APP: variants seen among roughly 807,000 people sequenced by gnomAD.
APP encodes the protein amyloid-beta precursor protein.
A neutral mutation model predicts 101.4 loss-of-function variants in APP; 31 were observed. The observed-to-expected ratio is 0.31, with a 90% CI of 0.23 to 0.41. APP has a LOEUF of 0.41. APP is among the 10% of genes least tolerant of loss of function. APP has a pLI of 1.00. For synonymous variants in APP, 366 were observed against 364.4 expected (o/e 1.00, Z -0.05); for missense variants, 839 against 1,003.7 (o/e 0.84, Z 2.22).
intron 8 of APP, among the ~76,000 whole-genome samples, chr21:25,991,176 A>G (rs1157333046): frequency 6.6e-6 from 1 of 151,754 alleles, no homozygotes; most frequent in Admixed American, 6.6e-5. Context: ...GAAGAGTGGG[A>G]AGGAGGAGAG....
intron 1 of APP, among the ~76,000 whole-genome samples, chr21:26,159,396 T>C (rs2063444389): frequency 6.6e-6 from 1 of 152,182 alleles, no homozygotes; most frequent in Admixed American, 6.5e-5. Flanking sequence ...AGTAATTTTT[T>C]AAACATCTAA....
chr21:26,051,107 C>T lies in APP; in HGVS notation c.555G>A (p.Val185=). The change falls in exon 5 of 18, where the codon GTG becomes GTA. Residue 185 remains valine, a synonymous_variant. Transcript: ENST00000346798. ...CACTTTCTTCAGCCAGTGGGCAACACACAAACTCTACCCCTCGGAACTTGT... is the reference window on the plus strand; with the variant it reads ...CACTTTCTTCAGCCAGTGGGCAACATACAAACTCTACCCCTCGGAACTTGT... The part of the protein sequence containing the change: ...GIDKFRGVEF[V]CCPLAEESDN... 2 of 1,614,176 alleles carry T rather than the reference C, an allele frequency of 1.2e-6. No homozygotes were observed. Among genetic ancestry groups the T allele is most frequent in the Non-Finnish European group, 1.7e-6 (2 of 1,180,032 alleles).
At chr21:25,913,841 T>G (rs1190821967) in intron 13 of APP, among the ~76,000 whole-genome samples, 1 of 152,214 alleles carries the variant, frequency 6.6e-6, no homozygotes, top group Non-Finnish European at 1.5e-5. Flanking sequence ...TTGTATCTCT[T>G]TCCATCTCTT....
intron 2 of APP, among the ~76,000 whole-genome samples, chr21:26,102,156 T>C (rs1208421921): frequency 7.2e-6 from 1 of 138,682 alleles, no homozygotes; most frequent in African/African-American, 2.7e-5. Context: ...CGGCGCGATC[T>C]CGGCTCACCG....
intron 16 of APP, among the ~76,000 whole-genome samples, chr21:25,896,899 G>T (rs1048152233): frequency 6.6e-6 from 1 of 152,206 alleles, no homozygotes; most frequent in Non-Finnish European, 1.5e-5. Context: ...ATGGGTAAAG[G>T]AAGACAGTTC....
intron 16 of APP, among the ~76,000 whole-genome samples, chr21:25,895,556 G>A (rs902883148): frequency 8.5e-5 from 13 of 152,106 alleles, no homozygotes; most frequent in African/African-American, 3.1e-4. Flanking sequence ...AATTTCCAAG[G>A]TATGCCTGTA....
intron 8 of APP, among the ~76,000 whole-genome samples, chr21:25,984,272 T>C (rs1028751739): frequency 6.6e-6 from 1 of 152,084 alleles, no homozygotes; most frequent in African/African-American, 2.4e-5. Context: ...ATTTTAAAAA[T>C]TGAGAAAAAG....
At chr21:25,961,188 C>A (rs1483311432) in intron 11 of APP, among the ~76,000 whole-genome samples, 1 of 152,046 alleles carries the variant, frequency 6.6e-6, no homozygotes, top group East Asian at 1.9e-4. Context: ...CCTAGAAGGC[C>A]CCTCCCCACT....
intron 1 of APP, chr21:26,140,321 C>T (rs1299849623): frequency 7.2e-6 from 11 of 1,527,440 alleles, no homozygotes; most frequent in South Asian, 2.4e-5. Context: ...CTTCCATCCT[C>T]GGGAGGGTGA....
Position 26,050,263 on chromosome 21 carries a change from G to A in APP, c.662+737C>T, listed in dbSNP as rs145697797. On this transcript the variant is annotated intron_variant, in intron 5 of 17. Coordinates refer to ENST00000346798, the MANE Select transcript of APP (RefSeq NM_000484.4). Reference sequence around the variant, plus strand: ...ATCTAAGAGAATACTGAAGGAATAAGATAAGTGATACAATCATCACCCTTC... The same window carrying A: ...ATCTAAGAGAATACTGAAGGAATAAAATAAGTGATACAATCATCACCCTTC... Among the ~76,000 whole-genome samples, 11 of 152,290 alleles carry A rather than the reference G, an allele frequency of 7.2e-5. No individual in the cohort carries two copies. The East Asian group carries it at 2.1e-3, about 29-fold the overall frequency.
chr21:25,954,542 G>A (rs2041227680), intron 13 of APP, 48 bp downstream of exon 13: 4 of 1,507,002 alleles, frequency 2.7e-6, no homozygotes, highest in African/African-American at 1.4e-5. Context: ...TTTTCCTCTG[G>A]GGGAAAATAC....
rs147329734 is a variant in APP, at chr21:26,161,366, T to C, written c.57+9198A>G. Among the ~76,000 whole-genome samples the C allele has an allele frequency of 3.8e-3, 575 of 152,326 alleles. 6 individuals carry two copies. The highest frequency in any genetic ancestry group is 0.013 in the African/African-American group (529 of 41,574). On this transcript the variant is annotated intron_variant, in intron 1 of 17. Coordinates refer to ENST00000346798, the MANE Select transcript of APP (RefSeq NM_000484.4). ...AACTTTGACAATACTACAGAAACTA[T>C]TGCATTCACAACACACATCCTTCTA...
At chr21:25,949,036 A>T (rs2040951799) in intron 13 of APP, among the ~76,000 whole-genome samples, 1 of 152,218 alleles carries the variant, frequency 6.6e-6, no homozygotes, top group African/African-American at 2.4e-5. Flanking sequence ...CTCTATACAA[A>T]CAATGCCTGA....
chr21:25,978,250 C>G (rs115253571), intron 9 of APP, among the ~76,000 whole-genome samples: 1 of 152,166 alleles, frequency 6.6e-6, no homozygotes, highest in Admixed American at 6.5e-5. Context: ...TGCACCATCC[C>G]ACTAAGACTC....
Position 25,997,355 on chromosome 21 carries a change from C to T in APP, c.1090+5G>A, listed in dbSNP as rs201116483. On this transcript the variant is annotated splice_donor_5th_base_variant and intron_variant, in intron 8 of 17. Coordinates refer to ENST00000346798, the MANE Select transcript of APP (RefSeq NM_000484.4). ...TTCCCTTCCCTCAGGTGAATGACAA[C>T]GTACGTTTAACAGGATCTCGGGCAA... 14 of 1,613,212 alleles carry T rather than the reference C, an allele frequency of 8.7e-6. No homozygotes were observed. Among genetic ancestry groups the T allele is most frequent in the Admixed American group, 5.0e-5 (3 of 59,988 alleles).
chr21:26,147,086 T>C (rs539589117), intron 1 of APP, among the ~76,000 whole-genome samples: 19 of 152,366 alleles, frequency 1.2e-4, no homozygotes, highest in African/African-American at 4.3e-4. Context: ...TTTTAATTTC[T>C]ATATCTTTAC....
intron 1 of APP, among the ~76,000 whole-genome samples, chr21:26,166,200 G>A (rs2063603830): frequency 6.6e-6 from 1 of 152,060 alleles, no homozygotes; most frequent in Non-Finnish European, 1.5e-5. Context: ...TTTGAGTTCT[G>A]TCTGCTTTTC....
chr21:26,154,749 A>G (rs2063341565), intron 1 of APP, among the ~76,000 whole-genome samples: 1 of 152,206 alleles, frequency 6.6e-6, no homozygotes, highest in Non-Finnish European at 1.5e-5. Flanking sequence ...GAACAACTCA[A>G]CATCTCCAGA....
chr21:26,165,780 T>A (rs1450365123), intron 1 of APP, among the ~76,000 whole-genome samples: 1 of 152,220 alleles, frequency 6.6e-6, no homozygotes, highest in Non-Finnish European at 1.5e-5. Context: ...TAAAATGATC[T>A]CTTAGGTTTC....
Sources: allele counts gnomAD v4.1 joint callset (sites outside exome capture counted in the v4.1 genomes callset), GRCh38; gene constraint gnomAD v4.1.1; transcripts MANE v1.5; gene names NCBI Gene and HGNC (gene_info 2026-07-23, HGNC 2026-07-21).